The following CYP7B1 variants were observed in gnomAD, a reference collection of about 807,000 sequenced individuals.
CYP7B1 encodes cytochrome P450 family 7 subfamily B member 1, also known as cytochrome P450 7B1.
CYP7B1 carries 29 observed loss-of-function variants against 42.7 expected under a neutral mutation model. The ratio of observed to expected loss-of-function variants is 0.68; its 90% CI spans 0.51 to 0.93. CYP7B1 has a LOEUF of 0.93. CYP7B1 is among the 40% of genes least tolerant of loss of function. The pLI is 0.00. For synonymous variants in CYP7B1, 235 were observed against 218.2 expected, an observed-to-expected ratio of 1.08 and a Z score of -0.68; for missense variants, 655 against 600.5, an observed-to-expected ratio of 1.09 and a Z score of -0.95.
chr8:64,693,630 C>T (rs1806781182), intron 1 of CYP7B1, among the ~76,000 whole-genome samples: 1 of 152,030 alleles, frequency 6.6e-6, no homozygotes, highest in African/African-American at 2.4e-5. Context: ...TATGGGTGGA[C>T]TAGGCATAGG....
At chr8:64,796,073 A>G (rs780259079) in intron 1 of CYP7B1, among the ~76,000 whole-genome samples, 3 of 152,268 alleles carry the variant, frequency 2.0e-5, no homozygotes, top group Admixed American at 6.5e-5. Flanking sequence ...ATTGTTCAAA[A>G]GATGAAAATG....
At chr8:64,738,193 C>G (rs1362039023) in intron 1 of CYP7B1, among the ~76,000 whole-genome samples, 7 of 152,108 alleles carry the variant, frequency 4.6e-5, no homozygotes, top group African/African-American at 1.7e-4. Context: ...TTTTCTAACT[C>G]TGGAGTAATT....
chr8:64,794,229 T>C (rs1363384728), intron 1 of CYP7B1, among the ~76,000 whole-genome samples: 1 of 152,148 alleles, frequency 6.6e-6, no homozygotes, highest in Non-Finnish European at 1.5e-5. Context: ...TCTCTATATA[T>C]ACACCCCTCA....
chr8:64,721,863 T>C (rs1807241942), intron 1 of CYP7B1, among the ~76,000 whole-genome samples: 1 of 152,232 alleles, frequency 6.6e-6, no homozygotes, highest in South Asian at 2.1e-4. Flanking sequence ...GTTTCATTTA[T>C]TGAATTATTC....
intron 1 of CYP7B1, among the ~76,000 whole-genome samples, chr8:64,711,539 A>C (rs527863241): frequency 1.3e-5 from 2 of 152,288 alleles, no homozygotes; most frequent in South Asian, 4.1e-4. Context: ...GAGGGAAGTC[A>C]AGGTTTACAG....
chr8:64,771,292 C>G (rs979307041), intron 1 of CYP7B1, among the ~76,000 whole-genome samples: 3 of 151,628 alleles, frequency 2.0e-5, no homozygotes, highest in Non-Finnish European at 4.4e-5. Context: ...GATCTCCTGA[C>G]CTCATGATCC....
intron 1 of CYP7B1, among the ~76,000 whole-genome samples, chr8:64,713,375 A>G (rs1807109504): frequency 6.6e-6 from 1 of 152,170 alleles, no homozygotes; most frequent in Non-Finnish European, 1.5e-5. Context: ...ATAGAGGAAA[A>G]AAAAAATCAA....
chr8:64,663,507 T>C (rs1363776148), intron 1 of CYP7B1, among the ~76,000 whole-genome samples: 1 of 152,222 alleles, frequency 6.6e-6, no homozygotes, highest in Non-Finnish European at 1.5e-5. Flanking sequence ...TCACTTTCCT[T>C]CTCCATTCAT....
chr8:64,680,307 C>T (rs1215840193), intron 1 of CYP7B1, among the ~76,000 whole-genome samples: 1 of 152,050 alleles, frequency 6.6e-6, no homozygotes, highest in East Asian at 1.9e-4. Context: ...CAAGAACACT[C>T]TCATATTTCT....
chr8:64,685,824 G>A (rs1389414609), intron 1 of CYP7B1, among the ~76,000 whole-genome samples: 1 of 51,694 alleles, frequency 1.9e-5, no homozygotes, highest in Non-Finnish European at 4.9e-5. Flanking sequence ...CGGGAGGGAG[G>A]TGGGGGGTCA....
At chr8:64,628,791 C>G (rs1252738251) in intron 1 of CYP7B1, among the ~76,000 whole-genome samples, 1 of 152,122 alleles carries the variant, frequency 6.6e-6, no homozygotes, top group Non-Finnish European at 1.5e-5. Flanking sequence ...AAGAGGTACT[C>G]TGAAATTTAA....
intron 1 of CYP7B1, among the ~76,000 whole-genome samples, chr8:64,746,752 C>T (rs1231688247): frequency 6.6e-6 from 1 of 151,900 alleles, no homozygotes; most frequent in African/African-American, 2.4e-5. Flanking sequence ...GGAAGATAAC[C>T]AAACCCAATG....
intron 1 of CYP7B1, among the ~76,000 whole-genome samples, chr8:64,678,013 T>G (rs1444610318): frequency 6.6e-6 from 1 of 152,100 alleles, no homozygotes; most frequent in Non-Finnish European, 1.5e-5. Flanking sequence ...GATACTCTGG[T>G]TTGATTCTCT....
At position 64,693,297 on chromosome 8, in the gene CYP7B1, A is replaced by G. The variant is rs962324694; in HGVS notation, c.123-68758T>C. On this transcript the variant is annotated intron_variant, in intron 1 of 5. Coordinates refer to ENST00000310193, the MANE Select transcript of CYP7B1 (RefSeq NM_004820.5). Reference sequence around the variant, plus strand: ...TGCATGCACATGTATACATTTCTATATGTGTGCGTCCGTGTGTGTGTGCGG... The same window carrying G: ...TGCATGCACATGTATACATTTCTATGTGTGTGCGTCCGTGTGTGTGTGCGG... Among the ~76,000 whole-genome samples, 4 of 152,134 alleles carry G rather than the reference A, an allele frequency of 2.6e-5. No homozygotes were observed. In the East Asian group the frequency reaches 7.7e-4, roughly 29 times the overall value.
chr8:64,643,108 T>TACATATATATACATATATATAC (rs1805884810), intron 1 of CYP7B1, among the ~76,000 whole-genome samples: 1 of 142,276 alleles, frequency 7.0e-6, no homozygotes, highest in Non-Finnish European at 1.5e-5. Context: ...CACATATATA[T>TACATATATATACATATATATAC]ACATATATAT....
chr8:64,797,748 G>C (rs74645043), intron 1 of CYP7B1, among the ~76,000 whole-genome samples: 5 of 152,274 alleles, frequency 3.3e-5, no homozygotes, highest in Admixed American at 1.3e-4. Flanking sequence ...ATGAACACCA[G>C]AGCAGTATGA....
chr8:64,599,491 G>C (rs1402129311), intron 5 of CYP7B1, among the ~76,000 whole-genome samples: 1 of 152,128 alleles, frequency 6.6e-6, no homozygotes, highest in Non-Finnish European at 1.5e-5. Context: ...TCCGGCCGCT[G>C]ATTGAAATTC....
chr8:64,597,030 T>G, intron 5 of CYP7B1, 101 bp from the exon 6 acceptor site: 3 of 1,071,608 alleles, frequency 2.8e-6, no homozygotes, highest in Non-Finnish European at 3.9e-6. Context: ...AAAAAGCTCC[T>G]TTTAATCAGG....
At chr8:64,618,231 A>G (rs1195819039) in intron 2 of CYP7B1, among the ~76,000 whole-genome samples, 1 of 151,930 alleles carries the variant, frequency 6.6e-6, no homozygotes, top group Non-Finnish European at 1.5e-5. Context: ...AAAAGATATA[A>G]TTTTAGGCAA....
Sources: gnomAD v4.1 joint callset for allele counts (sites outside exome capture counted in the v4.1 genomes callset) on GRCh38, gnomAD v4.1.1 for gene constraint, MANE v1.5 for transcripts, NCBI Gene and HGNC (gene_info 2026-07-23, HGNC 2026-07-21) for gene names.